Variants in RAD23A observed in about 807,000 individuals in gnomAD.
RAD23A encodes the protein RAD23 nucleotide excision repair protein A.
In RAD23A, 16 loss-of-function variants were observed where a neutral mutation model predicts 44.8. The observed-to-expected ratio is 0.36, with a 90% CI of 0.24 to 0.54. The LOEUF (loss-of-function observed/expected upper bound fraction) is 0.54, where lower values mean the gene tolerates loss of function less well. Ranked by LOEUF, RAD23A falls within the 20% of genes least tolerant of loss-of-function variation. RAD23A has a pLI of 0.89. For missense variants in RAD23A, 380 were observed against 483.3 expected (o/e 0.79, Z 2.00); for synonymous variants, 217 against 202.9 (o/e 1.07, Z -0.59).
rs1005660306 is a variant in RAD23A at position 12,952,754 on chromosome 19, C to T, written c.879C>T (p.Asp293=). Residue 293 remains aspartate (D), a synonymous_variant, in exon 8 of 9, where the codon GAC becomes GAT. Coordinates refer to ENST00000586534, the MANE Select transcript of RAD23A (RefSeq NM_005053.4). ...MLNEPPGELA[D]ISDVEGEVGA... is the part of the protein sequence containing the mutation. ...ACGAGCCCCCTGGGGAGCTGGCGGA[C>T]ATCTCAGATGTGGAGGGGGAGGTGG... is the stretch of plus-strand genomic sequence containing the variant. 1.9e-6 allele frequency: 3 copies of T among 1,613,506 alleles called. No homozygotes were observed. Among genetic ancestry groups the T allele is most frequent in the African/African-American group, 1.3e-5 (1 of 74,980 alleles).
chr19:12,952,303 T>C lies in RAD23A; in HGVS notation c.814-386T>C, dbSNP rs1279785707. ...CCTCCGCCTCCTGGGTTCAGTCTTA[T>C]GCCTCAGCCTGCCAAGTAGCTGGGA... On this transcript the variant is annotated intron_variant, in intron 7 of 8. Transcript: ENST00000586534. The C allele has an allele frequency of 5.4e-5, 10 of 186,710 alleles. No individual in the cohort carries two copies. The South Asian group carries it at 6.6e-4, about 12-fold the overall frequency. 11.6% of individuals were successfully genotyped at this position (186,710 alleles called of 1,614,324 possible).
In RAD23A at chr19:12,953,161, C is replaced by A. The variant is rs1036155861; in HGVS notation, c.*112C>A. The A allele has an allele frequency of 2.2e-5, 17 of 770,090 alleles. No homozygotes were observed. In the Admixed American group the frequency reaches 2.4e-4, roughly 11 times the overall value. The allele number at this position is 770,090 out of a possible 1,614,324, so 47.7% of individuals were successfully genotyped here. On this transcript the variant is annotated 3_prime_UTR_variant, in exon 9 of 9. Transcript: ENST00000586534. Reference sequence around the variant, plus strand: ...TTATTTAAGAAATGGAAAAAAAAATCAAAAATCTTAAAAAAACAAGCAAAC... The same window carrying A: ...TTATTTAAGAAATGGAAAAAAAAATAAAAAATCTTAAAAAAACAAGCAAAC...
intron 1 of RAD23A, among the ~76,000 whole-genome samples, chr19:12,947,301 C>G (rs1445677334): frequency 6.6e-6 from 1 of 152,058 alleles, no homozygotes; most frequent in African/African-American, 2.4e-5. Flanking sequence ...GTGGTGTGTA[C>G]CTTTAGTCCT....
chr19:12,951,765 TTC>T (rs1971818893), intron 7 of RAD23A, among the ~76,000 whole-genome samples: 1 of 152,256 alleles, frequency 6.6e-6, no homozygotes, highest in South Asian at 2.1e-4. Context: ...CTGTTCCTGC[TTC>T]TGTTTCTGAG....
intron 7 of RAD23A, among the ~76,000 whole-genome samples, chr19:12,951,351 T>C (rs1288587370): frequency 6.6e-6 from 1 of 152,208 alleles, no homozygotes; most frequent in Non-Finnish European, 1.5e-5. Flanking sequence ...TTCCCCCTGC[T>C]CTAGAAAATG....
At position 12,952,950 on chromosome 19, in the gene RAD23A, C is replaced by G. The variant is rs1485917560; in HGVS notation, c.993C>G (p.Gly331=). Residue 331 remains glycine (G), a synonymous_variant, in exon 9 of 9, where the codon GGC becomes GGG. Transcript: ENST00000586534. ...KEAIERLKAL[G]FPESLVIQAY... is the part of the protein sequence containing the mutation. ...TCTTCCCACAGTTGAAGGCCCTGGGCTTCCCAGAGAGCCTGGTCATCCAGG... is the reference window on the plus strand; with the variant it reads ...TCTTCCCACAGTTGAAGGCCCTGGGGTTCCCAGAGAGCCTGGTCATCCAGG... The G allele has an allele frequency of 6.2e-7, 1 of 1,614,064 alleles. No homozygotes were observed. Among genetic ancestry groups the G allele is most frequent in the Admixed American group, 1.7e-5 (1 of 59,994 alleles).
chr19:12,949,340 C>G lies in RAD23A; in HGVS notation c.745C>G (p.Gln249Glu), dbSNP rs547674173. 3.7e-6 allele frequency: 6 copies of G among 1,614,148 alleles called. No homozygotes were observed. Among genetic ancestry groups the G allele is most frequent in the East Asian group, 2.2e-5 (1 of 44,872 alleles). Residue 249 changes from glutamine to glutamate, a missense_variant, in exon 7 of 9, where the codon CAG becomes GAG. Physicochemically the swap from Gln to Glu is conservative, Grantham distance 29. Transcript: ENST00000586534. ...GTTCCAGAACATGCGGCAGGTGATT[C>G]AGCAGAACCCTGCGCTGCTGCCCGC... ...PQFQNMRQVI[Q>E]QNPALLPALL...
chr19:12,946,053 C>CCGGGGGGGGGGAGG, intron 1 of RAD23A, 33 bp downstream of exon 1: 2 of 404,434 alleles, frequency 4.9e-6, no homozygotes, highest in Non-Finnish European at 7.1e-6. Context: ...GGGGCGGGAG[C>CCGGGGGGGGGGAGG]GACGGGTTTC....
At chr19:12,949,717 G>A (rs1971757368) in intron 7 of RAD23A, 1 of 457,842 alleles carries the variant, frequency 2.2e-6, no homozygotes, top group Non-Finnish European at 4.0e-6. Context: ...CCTCGGGGTG[G>A]GGTCCTGGGC....
At position 12,952,921 on chromosome 19, in the gene RAD23A, C is replaced by CCTAT; in HGVS notation, c.979-12_979-9dup. 1 of 1,613,536 alleles carries CCTAT rather than the reference C, an allele frequency of 6.2e-7. No individual in the cohort carries two copies. Among genetic ancestry groups the CCTAT allele is most frequent in the South Asian group, 1.1e-5 (1 of 91,042 alleles). ...CCTACCCTCTCCTGCTCACACTTAA[C>CCTAT]CTATCTTCCCACAGTTGAAGGCCCT... is the stretch of plus-strand genomic sequence containing the variant. On this transcript the variant is annotated splice_polypyrimidine_tract_variant and intron_variant, in intron 8 of 8. Transcript: ENST00000586534.
In RAD23A at chr19:12,947,910, A is replaced by G. The variant is rs1354334147; in HGVS notation, c.135A>G (p.Gly45=). The G allele has an allele frequency of 6.2e-7, 1 of 1,614,052 alleles. No homozygotes were observed. Among genetic ancestry groups the G allele is most frequent in the Non-Finnish European group, 8.5e-7 (1 of 1,180,022 alleles). ...GTCGTGATGCCTTCCCCGTGGCTGG[A>G]CAGAAACTCATCTATGCCGGCAAGA... ...EKGRDAFPVA[G]QKLIYAGKIL... Residue 45 remains glycine (G), a synonymous_variant, in exon 2 of 9, where the codon GGA becomes GGG. Coordinates refer to ENST00000586534, the MANE Select transcript of RAD23A (RefSeq NM_005053.4).
intron 8 of RAD23A, 34 bp from the exon 9 acceptor site, chr19:12,952,902 C>T: frequency 6.2e-7 from 1 of 1,611,182 alleles, no homozygotes; most frequent in Non-Finnish European, 8.5e-7. Flanking sequence ...GACCCCTACC[C>T]TCTCCTGCTC....
Position 12,952,872 on chromosome 19 carries a change from G to A in RAD23A, c.978+19G>A. 1 of 1,603,518 alleles carries A rather than the reference G, an allele frequency of 6.2e-7. No homozygotes were observed. Among genetic ancestry groups the A allele is most frequent in the Non-Finnish European group, 8.5e-7 (1 of 1,173,428 alleles). On this transcript the variant is annotated intron_variant, in intron 8 of 8. Coordinates refer to ENST00000586534, the MANE Select transcript of RAD23A (RefSeq NM_005053.4). ...AGAGAGGGTAAGAGGCCTGGCTGAG[G>A]GGTGACTGCAGGTGGGCAGGACCCC...
In RAD23A at chr19:12,948,209, A is replaced by C. The variant is rs1971714983; in HGVS notation, c.267A>C (p.Pro89=). The C allele has an allele frequency of 6.2e-7, 1 of 1,614,008 alleles. No homozygotes were observed. Among genetic ancestry groups the C allele is most frequent in the East Asian group, 2.2e-5 (1 of 44,874 alleles). ...CCGGCCAGGGTACCTCAGCACCCCC[A>C]GAGGCCTCACCCACAGCTGCCCCAG... ...TKAGQGTSAP[P]EASPTAAPES... Residue 89 remains proline (P), a synonymous_variant, in exon 3 of 9, where the codon CCA becomes CCC. Coordinates refer to ENST00000586534, the MANE Select transcript of RAD23A (RefSeq NM_005053.4). The surrounding 1 kb of genome is among the most constrained non-coding windows in gnomAD (Gnocchi z 5.5).
chr19:12,946,834 A>AT (rs1971685934), intron 1 of RAD23A, among the ~76,000 whole-genome samples: 3 of 152,344 alleles, frequency 2.0e-5, no homozygotes, highest in African/African-American at 7.2e-5. Context: ...GGAAACACAC[A>AT]TTTTTTGATC....
At chr19:12,950,893 G>A (rs993087902) in intron 7 of RAD23A, among the ~76,000 whole-genome samples, 10 of 152,060 alleles carry the variant, frequency 6.6e-5, no homozygotes, top group Admixed American at 4.6e-4. Flanking sequence ...GCAAAAACTC[G>A]TCTCTACTAT....
In RAD23A at chr19:12,948,624, G is replaced by A. The variant is rs1007738091; in HGVS notation, c.473-62G>A. 67 of 1,582,206 alleles carry A rather than the reference G, an allele frequency of 4.2e-5. No individual in the cohort carries two copies. Among genetic ancestry groups the A allele is most frequent in the Non-Finnish European group, 5.4e-5 (63 of 1,164,306 alleles). Reference sequence around the variant, plus strand: ...TCAGCTGGGCCTTGTCTGGGTGCGGGAGGGCCTGGGAGCTGCCCTTTCCTC... The same window carrying A: ...TCAGCTGGGCCTTGTCTGGGTGCGGAAGGGCCTGGGAGCTGCCCTTTCCTC... On this transcript the variant is annotated intron_variant, in intron 4 of 8. Coordinates refer to ENST00000586534, the MANE Select transcript of RAD23A (RefSeq NM_005053.4). This position sits in a 1 kb window ranked among gnomAD's most constrained non-coding sequence, Gnocchi z 5.5.
rs1971812357 is a variant in RAD23A, at chr19:12,951,563, C to T, written c.814-1126C>T. ...CTGGGTTCAAGAGATTCTCCTGCCT[C>T]AGCCCCCAGAGTAGCTGGGATTACA... On this transcript the variant is annotated intron_variant, in intron 7 of 8. Transcript: ENST00000586534. Among the ~76,000 whole-genome samples the T allele has an allele frequency of 2.0e-5, 3 of 151,910 alleles. No individual in the cohort carries two copies. The South Asian group carries it at 6.2e-4, about 32-fold the overall frequency.
At chr19:12,949,688 T>C (rs955418443) in intron 7 of RAD23A, 2 of 497,762 alleles carry the variant, frequency 4.0e-6, no homozygotes, top group Non-Finnish European at 7.3e-6. Flanking sequence ...CAGCTGGTAG[T>C]GTGTGTGTCT....
Sources: allele counts gnomAD v4.1 joint callset (sites outside exome capture counted in the v4.1 genomes callset), GRCh38; gene constraint gnomAD v4.1.1; non-coding constraint Gnocchi (gnomAD v3.1); transcripts MANE v1.5; gene names NCBI Gene and HGNC (gene_info 2026-07-23, HGNC 2026-07-21).